Variants in HYDIN observed in about 807,000 individuals in gnomAD.
The protein encoded by HYDIN is axonemal central pair apparatus protein HYDIN.
A neutral mutation model predicts 403.9 loss-of-function variants in HYDIN; 132 were observed. The observed-to-expected ratio is 0.33, with a 90% CI of 0.28 to 0.38. HYDIN has a LOEUF of 0.38. Among genes scored for constraint, HYDIN ranks in the 10% least tolerant of loss-of-function variants. The pLI, the probability that HYDIN is intolerant of heterozygous loss-of-function variation, is 1.00. For synonymous variants in HYDIN, 1,202 were observed against 1,891.7 expected (o/e 0.64, Z 9.46); for missense variants, 2,827 against 5,009.5 (o/e 0.56, Z 13.15).
intron 37 of HYDIN, among the ~76,000 whole-genome samples, chr16:70,962,639 T>A (rs920690373): frequency 6.7e-6 from 1 of 149,816 alleles, no homozygotes; most frequent in Non-Finnish European, 1.5e-5. Flanking sequence ...ACAGCTATCC[T>A]TTCGTTGGCC....
In HYDIN at chr16:70,807,528, C is replaced by G; in HGVS notation, c.*52G>C. On this transcript the variant is annotated 3_prime_UTR_variant, in exon 86 of 86. Transcript: ENST00000393567. ...TCTTATTGTTTTCTCTATTCTTTTT[C>G]AGGCTAAGACAATGCATAGCTTTTG... is the stretch of plus-strand genomic sequence containing the variant. 6.6e-7 allele frequency: 1 copy of G among 1,515,008 alleles called. No individual in the cohort carries two copies. The highest frequency in any genetic ancestry group is 8.8e-7 in the Non-Finnish European group (1 of 1,130,782). The allele number at this position is 1,515,008 out of a possible 1,614,324, so 93.8% of individuals were successfully genotyped here. A position where few individuals can be genotyped will look rare whatever the true frequency, so the allele number is the denominator to read the frequency against.
chr16:71,082,636 T>C, intron 12 of HYDIN, among the ~76,000 whole-genome samples: 1 of 151,216 alleles, frequency 6.6e-6, no homozygotes, highest in Non-Finnish European at 1.5e-5. Context: ...AGTTCACTTG[T>C]GAGCAGATTC....
At chr16:71,072,441 C>G (rs1339287119) in intron 13 of HYDIN, among the ~76,000 whole-genome samples, 1 of 152,214 alleles carries the variant, frequency 6.6e-6, no homozygotes, top group East Asian at 1.9e-4. Flanking sequence ...ACTGCTGTGA[C>G]TGTGACTAAG....
chr16:71,093,179 A>G (rs926811729), intron 11 of HYDIN, among the ~76,000 whole-genome samples: 3 of 152,230 alleles, frequency 2.0e-5, no homozygotes, highest in African/African-American at 7.2e-5. Flanking sequence ...TGAAGTTTCA[A>G]GGGTTACAGT....
intron 31 of HYDIN, 51 bp from the exon 32 acceptor site, chr16:70,974,721 T>C (rs1232045657): frequency 1.1e-5 from 8 of 715,668 alleles, no homozygotes; most frequent in Non-Finnish European, 1.8e-5. Flanking sequence ...GGAAGGCTAC[T>C]TTTCCAAAAG....
chr16:71,204,949 C>A (rs1028920694), intron 1 of HYDIN, among the ~76,000 whole-genome samples: 1 of 152,150 alleles, frequency 6.6e-6, no homozygotes, highest in Non-Finnish European at 1.5e-5. Context: ...AAAAATTAAT[C>A]TCCTTAAAGA....
chr16:70,944,989 G>A lies in HYDIN; in HGVS notation c.6532-1040C>T, dbSNP rs1414607554. 2.6e-5 allele frequency among the ~76,000 whole-genome samples: 4 copies of A among 152,246 alleles called. No homozygotes were observed. In the East Asian group the frequency reaches 5.8e-4, roughly 22 times the overall value. On this transcript the variant is annotated intron_variant, in intron 41 of 85. Transcript: ENST00000393567. ...GCTGGTCTCGAACTCCTGACCTCAGGTGATCTGCCTGCCTCGGCCTCCCAA... is the reference window on the plus strand; with the variant it reads ...GCTGGTCTCGAACTCCTGACCTCAGATGATCTGCCTGCCTCGGCCTCCCAA...
At chr16:70,931,208 CTGTTTTTTTT>C (rs1384961658) in intron 45 of HYDIN, among the ~76,000 whole-genome samples, 3,175 of 77,104 alleles carry the variant, frequency 0.041, no homozygotes, top group East Asian at 0.065. Context: ...TCTCTTTCTT[CTGTTTTTTTT>C]TTTTTTTTTT....
At chr16:71,128,178 G>C (rs372083361) in intron 9 of HYDIN, among the ~76,000 whole-genome samples, 3 of 152,180 alleles carry the variant, frequency 2.0e-5, no homozygotes, top group Non-Finnish European at 4.4e-5. Flanking sequence ...CTCTGAACTA[G>C]AATACCTTAC....
intron 58 of HYDIN, among the ~76,000 whole-genome samples, chr16:70,888,166 A>T (rs1037344426): frequency 4.6e-5 from 7 of 152,242 alleles, no homozygotes; most frequent in African/African-American, 1.7e-4. Flanking sequence ...TCATTGAAAC[A>T]TTTTCAGATA....
At chr16:70,993,938 T>C (rs1376479512) in intron 23 of HYDIN, among the ~76,000 whole-genome samples, 1 of 152,164 alleles carries the variant, frequency 6.6e-6, no homozygotes, top group Non-Finnish European at 1.5e-5. Context: ...TTCTATGTCA[T>C]TTACTATATA....
At chr16:70,982,674 A>G (rs1213855850) in intron 28 of HYDIN, among the ~76,000 whole-genome samples, 3 of 149,090 alleles carry the variant, frequency 2.0e-5, no homozygotes, top group African/African-American at 7.5e-5. Flanking sequence ...GATTAATTCA[A>G]TATTAGTACA....
intron 1 of HYDIN, among the ~76,000 whole-genome samples, chr16:71,195,730 G>T (rs1369992445): frequency 6.6e-6 from 1 of 152,140 alleles, no homozygotes; most frequent in Non-Finnish European, 1.5e-5. Flanking sequence ...TGTCTCTGCA[G>T]GATATGTGCC....
intron 8 of HYDIN, among the ~76,000 whole-genome samples, chr16:71,130,966 T>G (rs1463293163): frequency 5.3e-5 from 7 of 131,556 alleles, no homozygotes; most frequent in Admixed American, 4.7e-4. Flanking sequence ...ACCAGAGCTA[T>G]GTTCACATTT....
chr16:71,070,074 G>C (rs1369021909), intron 13 of HYDIN, among the ~76,000 whole-genome samples: 2 of 152,040 alleles, frequency 1.3e-5, no homozygotes, highest in African/African-American at 2.4e-5. Flanking sequence ...TCCCAAGAGA[G>C]ACTTTACAAA....
At chr16:70,833,847 C>T (rs1274271734) in intron 79 of HYDIN, 40 bp downstream of exon 79, 1 of 1,528,304 alleles carries the variant, frequency 6.5e-7, no homozygotes, top group Non-Finnish European at 8.9e-7. Context: ...GGACAGCAGC[C>T]TCTGGGGCAG....
At chr16:70,838,799 C>A (rs2037618393) in intron 76 of HYDIN, among the ~76,000 whole-genome samples, 2 of 148,186 alleles carry the variant, frequency 1.3e-5, no homozygotes, top group Admixed American at 6.8e-5. Flanking sequence ...TTAAATAGGG[C>A]ACAGAGGAAA....
intron 45 of HYDIN, among the ~76,000 whole-genome samples, chr16:70,925,400 CTTGT>C (rs2077121566): frequency 6.6e-6 from 1 of 152,264 alleles, no homozygotes; most frequent in South Asian, 2.1e-4. Flanking sequence ...TTCCCCATTG[CTTGT>C]TTTTCTCAGG....
At chr16:71,132,978 C>G (rs1168918444) in intron 8 of HYDIN, 2 of 205,652 alleles carry the variant, frequency 9.7e-6, no homozygotes, top group East Asian at 1.4e-4. Context: ...TTTCATCAGA[C>G]AGCATAACAG....
Sources: allele counts gnomAD v4.1 joint callset (sites outside exome capture counted in the v4.1 genomes callset), GRCh38; gene constraint gnomAD v4.1.1; transcripts MANE v1.5; gene names NCBI Gene and HGNC (gene_info 2026-07-23, HGNC 2026-07-21).